Variants in ATG5 observed in about 807,000 individuals in gnomAD.
ATG5 encodes the protein autophagy protein 5.
In ATG5, 14 loss-of-function variants were observed where a neutral mutation model predicts 36.5. That is an observed-to-expected ratio of 0.38 (90% CI 0.25 to 0.60). The LOEUF (loss-of-function observed/expected upper bound fraction) is 0.60. Among genes scored for constraint, ATG5 ranks in the 20% least tolerant of loss-of-function variants. ATG5 has a pLI of 0.60. For synonymous variants in ATG5, 95 were observed against 101.5 expected (o/e 0.94, Z 0.38); for missense variants, 195 against 326.7 (o/e 0.60, Z 3.11).
intron 6 of ATG5, among the ~76,000 whole-genome samples, chr6:106,229,980 T>TCC (rs1777611720): frequency 6.6e-6 from 1 of 152,184 alleles, no homozygotes; most frequent in African/African-American, 2.4e-5. Context: ...CACTGATAAT[T>TCC]CCCTTAACCC....
intron 5 of ATG5, among the ~76,000 whole-genome samples, chr6:106,264,346 GA>G (rs1250584592): frequency 6.6e-6 from 1 of 152,136 alleles, no homozygotes; most frequent in African/African-American, 2.4e-5. Context: ...GGGACTATGT[GA>G]AAAGACCAAA....
At position 106,186,676 on chromosome 6, in the gene ATG5, T is replaced by A; in HGVS notation, c.692A>T (p.Asp231Val). The A allele has an allele frequency of 6.2e-7, 1 of 1,613,136 alleles. No individual in the cohort carries two copies. Among genetic ancestry groups the A allele is most frequent in the Non-Finnish European group, 8.5e-7 (1 of 1,179,774 alleles). Residue 231 changes from aspartate (D) to valine (V), a missense_variant and splice_region_variant, in exon 8 of 8, where the codon GAT (aspartate) becomes GTT (valine). Coordinates refer to ENST00000369076, the MANE Select transcript of ATG5 (RefSeq NM_004849.4). The stretch of plus-strand genomic sequence containing the variant: ...CATCACTTGATTCTTTTTTTCCCCA[T>A]CTATTCCAAGAAAGAAACCCAACAA... ...EVCPSAIDPEDGEKKNQVMIH... is the reference protein window; with the variant it reads ...EVCPSAIDPEVGEKKNQVMIH...
chr6:106,321,926 T>C (rs1771093408), intron 1 of ATG5, among the ~76,000 whole-genome samples: 1 of 152,186 alleles, frequency 6.6e-6, no homozygotes, highest in Non-Finnish European at 1.5e-5. Context: ...GGGAAAAATA[T>C]ATAAATATAT....
chr6:106,291,711 T>C (rs1033396528), intron 4 of ATG5, among the ~76,000 whole-genome samples: 2 of 152,236 alleles, frequency 1.3e-5, no homozygotes, highest in African/African-American at 4.8e-5. Context: ...ATAGCACCCC[T>C]ACCCTTAATA....
At chr6:106,190,068 A>G (rs1321519718) in intron 7 of ATG5, among the ~76,000 whole-genome samples, 2 of 152,246 alleles carry the variant, frequency 1.3e-5, no homozygotes, top group African/African-American at 4.8e-5. Flanking sequence ...CATGATATAT[A>G]AAATAATAAA....
chr6:106,303,033 AT>A (rs1186696777), intron 3 of ATG5, among the ~76,000 whole-genome samples: 2 of 152,038 alleles, frequency 1.3e-5, no homozygotes, highest in East Asian at 1.9e-4. Context: ...GCTCAAAAAA[AT>A]AACCTAAGTC....
intron 4 of ATG5, among the ~76,000 whole-genome samples, chr6:106,281,374 GATA>G (rs1476684910): frequency 1.3e-5 from 2 of 152,162 alleles, no homozygotes; most frequent in African/African-American, 4.8e-5. Flanking sequence ...AGGAATTACT[GATA>G]ATGACATAAC....
chr6:106,228,998 TCTCTA>T (rs1582579141), intron 6 of ATG5, among the ~76,000 whole-genome samples: 1 of 152,134 alleles, frequency 6.6e-6, no homozygotes, highest in East Asian at 1.9e-4. Context: ...CAGCCAGAAG[TCTCTA>T]CTCAACAGTC....
At chr6:106,226,138 G>A (rs1777445189) in intron 6 of ATG5, among the ~76,000 whole-genome samples, 1 of 152,046 alleles carries the variant, frequency 6.6e-6, no homozygotes, top group South Asian at 2.1e-4. Flanking sequence ...ATAGGCCCCT[G>A]GCAAAGATTG....
chr6:106,290,242 C>CTATTT (rs141730376), intron 4 of ATG5, among the ~76,000 whole-genome samples: 6 of 147,168 alleles, frequency 4.1e-5, no homozygotes, highest in African/African-American at 7.4e-5. Flanking sequence ...TTTTATTTAT[C>CTATTT]TATTTTATTT....
chr6:106,237,748 A>G (rs1777956372), intron 6 of ATG5, among the ~76,000 whole-genome samples: 1 of 152,204 alleles, frequency 6.6e-6, no homozygotes, highest in African/African-American at 2.4e-5. Flanking sequence ...ACATTATAGT[A>G]CATCATATTA....
Position 106,184,754 on chromosome 6 carries a change from A to T in ATG5, c.*1786T>A, listed in dbSNP as rs1775704246. On this transcript the variant is annotated 3_prime_UTR_variant, in exon 8 of 8. Transcript: ENST00000369076. The stretch of plus-strand genomic sequence containing the variant: ...CCTGACACTGGTTTTGTCTGTATAA[A>T]ACTACTCTGGCTTTTTACCACACTT... 1 of 152,278 alleles carries T rather than the reference A, an allele frequency of 6.6e-6. No individual in the cohort carries two copies. The highest frequency in any genetic ancestry group is 2.4e-5 in the African/African-American group (1 of 41,436). 9.4% of individuals were successfully genotyped at this position (152,278 alleles called of 1,614,324 possible).
intron 3 of ATG5, among the ~76,000 whole-genome samples, chr6:106,301,585 C>G (rs1770209219): frequency 1.3e-5 from 2 of 151,968 alleles, no homozygotes. Context: ...CAAACATTTA[C>G]TTATCCCCTC....
chr6:106,202,042 A>C lies in ATG5; in HGVS notation c.621T>G (p.Ala207=). 6.2e-7 allele frequency: 1 copy of C among 1,614,070 alleles called. No homozygotes were observed. Residue 207 remains alanine (A), a synonymous_variant, in exon 7 of 8, where the codon GCT becomes GCG. Transcript: ENST00000369076. ...CTAGTGTGTGCAACTGTCCATCTGC[A>C]GCCACAGGACGAAACAGCTTCTGAA... is the stretch of plus-strand genomic sequence containing the variant. ...PFIQKLFRPV[A]ADGQLHTLGD... is the part of the protein sequence containing the mutation.
At chr6:106,294,798 G>A (rs983484781) in intron 3 of ATG5, among the ~76,000 whole-genome samples, 1 of 146,656 alleles carries the variant, frequency 6.8e-6, no homozygotes, top group African/African-American at 2.6e-5. Flanking sequence ...AGCCAAGACT[G>A]TGCCACTGCA....
chr6:106,325,352 C>G (rs1771247987), intron 1 of ATG5, 174 bp downstream of exon 1: 1 of 152,472 alleles, frequency 6.6e-6, no homozygotes, highest in Non-Finnish European at 1.5e-5. Context: ...GGCTCCGGGC[C>G]GGCGTCTCGC....
At chr6:106,289,735 AT>A (rs2114623340) in intron 4 of ATG5, among the ~76,000 whole-genome samples, 1 of 152,302 alleles carries the variant, frequency 6.6e-6, no homozygotes, top group Admixed American at 6.5e-5. Flanking sequence ...CTAAAATTGT[AT>A]TTCCACAAAA....
chr6:106,264,333 T>C (rs1779146681), intron 5 of ATG5, among the ~76,000 whole-genome samples: 1 of 151,892 alleles, frequency 6.6e-6, no homozygotes, highest in Admixed American at 6.6e-5. Flanking sequence ...CTCCAAGAAA[T>C]ATGGGACTAT....
intron 5 of ATG5, among the ~76,000 whole-genome samples, chr6:106,261,146 G>C (rs777010932): frequency 6.6e-6 from 1 of 152,166 alleles, no homozygotes; most frequent in Non-Finnish European, 1.5e-5. Flanking sequence ...TGCAGAGATA[G>C]ATCAAGTGAG....
Sources: allele counts gnomAD v4.1 joint callset (sites outside exome capture counted in the v4.1 genomes callset), GRCh38; gene constraint gnomAD v4.1.1; transcripts MANE v1.5; gene names NCBI Gene and HGNC (gene_info 2026-07-23, HGNC 2026-07-21).